Variants in ATXN2 observed in about 807,000 individuals in gnomAD.
ATXN2 encodes ataxin 2, also known as ataxin-2.
A neutral mutation model predicts 138.6 loss-of-function variants in ATXN2; 37 were observed. The ratio of observed to expected loss-of-function variants is 0.27; its 90% CI spans 0.21 to 0.35. The LOEUF is 0.35. ATXN2 is among the 10% of genes least tolerant of loss of function. ATXN2 has a pLI of 1.00. For missense variants in ATXN2, 1,216 were observed against 1,480.3 expected (o/e 0.82, Z 2.93); for synonymous variants, 549 against 543.7 (o/e 1.01, Z -0.13).
chr12:111,487,770 G>A (rs940667360), intron 15 of ATXN2, among the ~76,000 whole-genome samples: 2 of 151,924 alleles, frequency 1.3e-5, no homozygotes, highest in African/African-American at 2.4e-5. Context: ...CAATATTCTA[G>A]CATGCAGTAA....
chr12:111,491,610 A>G (rs771322983), intron 14 of ATXN2, among the ~76,000 whole-genome samples: 4 of 152,246 alleles, frequency 2.6e-5, no homozygotes, highest in African/African-American at 7.2e-5. Context: ...ATTCTAGGCC[A>G]TAGCTCCCAG....
chr12:111,589,243 A>C (rs749411596), intron 1 of ATXN2, among the ~76,000 whole-genome samples: 4 of 151,766 alleles, frequency 2.6e-5, no homozygotes, highest in Admixed American at 6.6e-5. Context: ...TGAACCTAGG[A>C]GGCGGAGGTT....
chr12:111,598,062 G>A lies in ATXN2; in HGVS notation c.251+722C>T, dbSNP rs1885026801. On this transcript the variant is annotated intron_variant, in intron 1 of 24. Transcript: ENST00000673436. This position sits in a 1 kb window ranked among gnomAD's most constrained non-coding sequence, Gnocchi z 4.5. ...CCACCCCTTCCCTTCCCCAGGTGGG[G>A]GAGGGTGGAACGCTGCCGGAGGCCA... The A allele has an allele frequency of 1.7e-6, 2 of 1,158,552 alleles. No individual in the cohort carries two copies. Among genetic ancestry groups the A allele is most frequent in the African/African-American group, 3.2e-5 (2 of 61,990 alleles). 71.8% of individuals were successfully genotyped at this position (1,158,552 alleles called of 1,614,324 possible). A position where few individuals can be genotyped will look rare whatever the true frequency, so the allele number is the denominator to read the frequency against.
chr12:111,567,646 T>A (rs1793916849), intron 1 of ATXN2, among the ~76,000 whole-genome samples: 1 of 151,842 alleles, frequency 6.6e-6, no homozygotes, highest in Non-Finnish European at 1.5e-5. Context: ...AAACCCCATC[T>A]CTACTAAAAA....
At chr12:111,535,048 C>T (rs1035386767) in intron 5 of ATXN2, among the ~76,000 whole-genome samples, 1 of 152,094 alleles carries the variant, frequency 6.6e-6, no homozygotes, top group African/African-American at 2.4e-5. Flanking sequence ...AATGGGAGAA[C>T]AGCTTGAGCC....
chr12:111,477,913 G>T (rs1876937600), intron 18 of ATXN2, among the ~76,000 whole-genome samples: 1 of 151,470 alleles, frequency 6.6e-6, no homozygotes, highest in Non-Finnish European at 1.5e-5. Context: ...AGCCCCCCAA[G>T]TAGCTGGGAC....
At chr12:111,536,579 C>G (rs949839843) in intron 5 of ATXN2, among the ~76,000 whole-genome samples, 2 of 152,092 alleles carry the variant, frequency 1.3e-5, no homozygotes, top group Admixed American at 6.6e-5. Context: ...CCCAGGAAAT[C>G]AGCCTGTGCA....
intron 5 of ATXN2, among the ~76,000 whole-genome samples, chr12:111,551,588 T>C (rs2135784923): frequency 6.6e-6 from 1 of 152,342 alleles, no homozygotes; most frequent in South Asian, 2.1e-4. Flanking sequence ...TCTCTACCTT[T>C]CTTCCTTAGC....
intron 7 of ATXN2, 43 bp from the exon 8 acceptor site, chr12:111,520,119 CCA>C: frequency 6.3e-7 from 1 of 1,592,122 alleles, no homozygotes; most frequent in Non-Finnish European, 8.6e-7. Context: ...TCCTTTAAAG[CCA>C]CAGTTTATGT....
In ATXN2 at chr12:111,581,135, CAAAAAAA is replaced by C. The variant is rs1016431358; in HGVS notation, c.251+17642_251+17648del. Among the ~76,000 whole-genome samples the C allele has an allele frequency of 8.3e-3, 478 of 57,898 alleles. 5 individuals carry two copies. Among genetic ancestry groups the C allele is most frequent in the Non-Finnish European group, 0.016 (339 of 21,528 alleles). The allele number at this position is 57,898 out of a possible 152,430, so 38.0% of individuals were successfully genotyped here. Reference sequence around the variant, plus strand: ...TCGGCAACAGAGCGAGACTCCATCTCAAAAAAAAAAAAAAAAAAAGAAATGTATTAGA... The same window carrying C: ...TCGGCAACAGAGCGAGACTCCATCTCAAAAAAAAAAAAGAAATGTATTAGA... On this transcript the variant is annotated intron_variant, in intron 1 of 24. Transcript: ENST00000673436.
chr12:111,551,230 G>A (rs560320132), intron 5 of ATXN2, among the ~76,000 whole-genome samples: 2 of 151,364 alleles, frequency 1.3e-5, no homozygotes, highest in East Asian at 3.9e-4. Flanking sequence ...CTGGGAGGCA[G>A]AGGCTGCAGT....
In ATXN2 at chr12:111,488,684, G is replaced by A; in HGVS notation, c.2032C>T (p.Pro678Ser). 1 of 1,613,262 alleles carries A rather than the reference G, an allele frequency of 6.2e-7. No individual in the cohort carries two copies. Residue 678 changes from proline (P) to serine (S), a missense_variant, in exon 15 of 25, where the codon CCA (proline) becomes TCA (serine). Pro to Ser is a moderately conservative substitution (Grantham distance 74). This residue lies in a region of ATXN2 where 490 missense variants were observed against 653.5 expected (regional missense o/e 0.75). Transcript: ENST00000673436. ...TCAATGAAAGAATCCTTAGCACTTG[G>A]TTCAATTTTGTCTTTGATCAAATCT... ...SRDLIKDKIE[P>S]SAKDSFIENS...
chr12:111,488,415 G>C, intron 15 of ATXN2, 61 bp downstream of exon 15: 3 of 1,505,168 alleles, frequency 2.0e-6, no homozygotes. Context: ...GGACCTAAAT[G>C]CCTTTAAAAA....
chr12:111,581,694 T>G, intron 1 of ATXN2: 2 of 684,044 alleles, frequency 2.9e-6, no homozygotes, highest in Non-Finnish European at 5.5e-6. Flanking sequence ...GCCAAGTGCC[T>G]GAACATCTGG....
chr12:111,577,554 C>G (rs931064052), intron 1 of ATXN2, among the ~76,000 whole-genome samples: 26 of 152,052 alleles, frequency 1.7e-4, no homozygotes, highest in Admixed American at 1.7e-3. Context: ...CATGAGCCAC[C>G]GGGCCCGGCC....
chr12:111,466,232 C>G (rs1444011048), intron 20 of ATXN2, among the ~76,000 whole-genome samples: 5 of 150,622 alleles, frequency 3.3e-5, no homozygotes, highest in African/African-American at 1.2e-4. Context: ...GGCACAGTGG[C>G]TCACGCCTGT....
At chr12:111,455,675 G>GT (rs1298693869) in intron 23 of ATXN2, 2 of 340,418 alleles carry the variant, frequency 5.9e-6, no homozygotes, top group Non-Finnish European at 1.1e-5. Flanking sequence ...GGCTTCCAAG[G>GT]TAAGTGTGTA....
intron 2 of ATXN2, 140 bp from the exon 3 acceptor site, chr12:111,554,357 G>C (rs1418049066): frequency 8.0e-6 from 4 of 501,182 alleles, no homozygotes; most frequent in South Asian, 7.0e-5. Context: ...CTTAGTGCTT[G>C]AACATCCCTA....
rs1214403459 is a variant in ATXN2 at position 111,541,161 on chromosome 12, T to TTCTC, written c.571+11118_571+11119insGAGA. Among the ~76,000 whole-genome samples, 94 of 150,018 alleles carry TTCTC rather than the reference T, an allele frequency of 6.3e-4. 3 individuals carry two copies. Among genetic ancestry groups the TTCTC allele is most frequent in the Middle Eastern group, 3.4e-3 (1 of 294 alleles). ...GTTTTGTTTAATCACAGTTTTCTCA[T>TTCTC]TAATCTATTTGGTTTTATTTATCAG... On this transcript the variant is annotated intron_variant, in intron 5 of 24. Coordinates refer to ENST00000673436, the MANE Select transcript of ATXN2 (RefSeq NM_001372574.1).
Sources: gnomAD v4.1 joint callset for allele counts (sites outside exome capture counted in the v4.1 genomes callset) on GRCh38, gnomAD v4.1.1 for gene constraint, gnomAD v4.1.1 regional missense constraint, Gnocchi (gnomAD v3.1) non-coding constraint, MANE v1.5 for transcripts, NCBI Gene and HGNC (gene_info 2026-07-23, HGNC 2026-07-21) for gene names.